KAZN: variants seen among roughly 807,000 people sequenced by gnomAD.
The protein encoded by KAZN is kazrin.
A neutral mutation model predicts 87.4 loss-of-function variants in KAZN; 40 were observed. The observed-to-expected ratio is 0.46, with a 90% CI of 0.36 to 0.60. The LOEUF (loss-of-function observed/expected upper bound fraction) is 0.60, where lower values mean the gene tolerates loss of function less well. KAZN is among the 20% of genes least tolerant of loss of function. The pLI is 0.00. For synonymous variants in KAZN, 466 were observed against 458.3 expected (o/e 1.02, Z -0.22); for missense variants, 898 against 1,073.9 (o/e 0.84, Z 2.29).
At chr1:14,419,710 T>C (rs752753864) in intron 2 of KAZN, among the ~76,000 whole-genome samples, 8 of 152,060 alleles carry the variant, frequency 5.3e-5, no homozygotes, top group Non-Finnish European at 8.8e-5. Context: ...CATTCAAGAG[T>C]GAAGCCGCAG....
At chr1:14,155,474 AC>A (rs1159102444) in intron 1 of KAZN, among the ~76,000 whole-genome samples, 1 of 152,106 alleles carries the variant, frequency 6.6e-6, no homozygotes, top group Non-Finnish European at 1.5e-5. Flanking sequence ...TTTTCAAAAA[AC>A]AAACTTTTTG....
At chr1:14,753,644 T>C (rs1644473833) in intron 1 of KAZN, among the ~76,000 whole-genome samples, 2 of 152,148 alleles carry the variant, frequency 1.3e-5, no homozygotes, top group Admixed American at 1.3e-4. Flanking sequence ...TCATTACCAA[T>C]TGAACTGAAT....
At chr1:14,801,360 C>T (rs1646014191) in intron 1 of KAZN, among the ~76,000 whole-genome samples, 2 of 152,132 alleles carry the variant, frequency 1.3e-5, no homozygotes, top group African/African-American at 2.4e-5. Flanking sequence ...GGTTTCGTGA[C>T]GAGGGGTGGC....
chr1:14,430,660 CAG>C (rs1013104894), intron 2 of KAZN, among the ~76,000 whole-genome samples: 1 of 152,180 alleles, frequency 6.6e-6, no homozygotes, highest in Non-Finnish European at 1.5e-5. Context: ...ACAAGCCAGA[CAG>C]AGGATAATCA....
chr1:14,499,468 T>C (rs1670123033), intron 2 of KAZN, among the ~76,000 whole-genome samples: 1 of 152,164 alleles, frequency 6.6e-6, no homozygotes, highest in Non-Finnish European at 1.5e-5. Flanking sequence ...GTCCTGCCTT[T>C]CTTTCTGGGA....
intron 1 of KAZN, among the ~76,000 whole-genome samples, chr1:14,015,448 T>C (rs2101215415): frequency 7.6e-6 from 1 of 131,350 alleles, no homozygotes; most frequent in South Asian, 2.5e-4. Flanking sequence ...AAGACAAGTG[T>C]GTTACATCTA....
In KAZN at chr1:15,099,302, G is replaced by A. The variant is rs189551372; in HGVS notation, c.1548-2241G>A. 9.2e-5 allele frequency among the ~76,000 whole-genome samples: 14 copies of A among 152,310 alleles called. No homozygotes were observed. Among genetic ancestry groups the A allele is most frequent in the East Asian group, 3.9e-4 (2 of 5,186 alleles). On this transcript the variant is annotated intron_variant, in intron 10 of 14. Transcript: ENST00000376030. This position sits in a 1 kb window ranked among gnomAD's most constrained non-coding sequence, Gnocchi z 5.4. ...TAGACTGTGCTGTTTGGCAGTGAAC[G>A]CAGTTTCTGTCCTGAATGAGCTTAT...
chr1:14,257,279 T>A (rs1475336612), intron 2 of KAZN, among the ~76,000 whole-genome samples: 2 of 150,794 alleles, frequency 1.3e-5, no homozygotes, highest in Non-Finnish European at 2.9e-5. Context: ...TTTTGAGAAG[T>A]GTCTGTTCAT....
chr1:14,332,507 A>G (rs1388332530), intron 2 of KAZN, among the ~76,000 whole-genome samples: 1 of 152,164 alleles, frequency 6.6e-6, no homozygotes, highest in East Asian at 1.9e-4. Flanking sequence ...TGTGCTCCAC[A>G]TGGTTCTTTT....
chr1:13,987,931 C>A (rs998469512), intron 1 of KAZN, among the ~76,000 whole-genome samples: 1 of 152,110 alleles, frequency 6.6e-6, no homozygotes, highest in African/African-American at 2.4e-5. Flanking sequence ...CTGTTGAGAA[C>A]CTTTGTGCTG....
At chr1:14,258,115 G>T (rs954638855) in intron 2 of KAZN, among the ~76,000 whole-genome samples, 1 of 151,338 alleles carries the variant, frequency 6.6e-6, no homozygotes, top group South Asian at 2.1e-4. Flanking sequence ...CCTTCATCAC[G>T]GTAGATCACA....
rs181717902 is a variant in KAZN, at chr1:14,637,551, G to C, written c.226+38328G>C. ...CCTCCTCAGATAATCTCTTCTCAAG[G>C]CTGGCCCTCTGTAGAGTCGTCTGGT... On this transcript the variant is annotated intron_variant, in intron 1 of 14. Coordinates refer to ENST00000376030, the MANE Select transcript of KAZN (RefSeq NM_201628.3). Among the ~76,000 whole-genome samples the C allele has an allele frequency of 1.1e-3, 175 of 152,188 alleles. 2 individuals carry two copies. The highest frequency in any genetic ancestry group is 4.1e-3 in the African/African-American group (170 of 41,506).
At chr1:14,740,240 A>G (rs1465104954) in intron 1 of KAZN, among the ~76,000 whole-genome samples, 1 of 152,188 alleles carries the variant, frequency 6.6e-6, no homozygotes, top group African/African-American at 2.4e-5. Flanking sequence ...TAAGAGCTCC[A>G]GAGACACCGT....
At chr1:15,083,550 G>A (rs1640109971) in intron 8 of KAZN, among the ~76,000 whole-genome samples, 1 of 152,166 alleles carries the variant, frequency 6.6e-6, no homozygotes, top group Non-Finnish European at 1.5e-5. Context: ...CGGTTTGGTA[G>A]AGCAGTCCAA....
intron 2 of KAZN, among the ~76,000 whole-genome samples, chr1:14,238,545 C>G (rs1462215636): frequency 6.6e-6 from 1 of 152,214 alleles, no homozygotes; most frequent in East Asian, 1.9e-4. Context: ...TGTTAACAAA[C>G]AAACAAGCAA....
intron 2 of KAZN, among the ~76,000 whole-genome samples, chr1:14,219,759 C>T (rs1264584097): frequency 1.3e-5 from 2 of 152,166 alleles, no homozygotes; most frequent in African/African-American, 4.8e-5. Context: ...AGGGCAATAA[C>T]ATTTCAGTTG....
At position 14,309,194 on chromosome 1, in the gene KAZN, T is replaced by A. The variant is rs79538319; in HGVS notation, c.249+128602T>A. The stretch of plus-strand genomic sequence containing the variant: ...AAGAAGAAATGGGATATCCCAAAAT[T>A]GCAACAGGATAAGCAACCCTTTTAA... On this transcript the variant is annotated intron_variant, in intron 2 of 16. Coordinates refer to the KAZN transcript ENST00000636203. Among the ~76,000 whole-genome samples, 946 of 152,250 alleles carry A rather than the reference T, an allele frequency of 6.2e-3. 12 individuals are homozygous for A. Among genetic ancestry groups the A allele is most frequent in the African/African-American group, 0.022 (910 of 41,554 alleles).
intron 1 of KAZN, among the ~76,000 whole-genome samples, chr1:14,129,495 T>C (rs1570809541): frequency 6.6e-6 from 1 of 152,208 alleles, no homozygotes; most frequent in African/African-American, 2.4e-5. Flanking sequence ...ATTCCTCCCC[T>C]GAATCCTCCA....
chr1:14,341,984 C>T (rs534003353), intron 2 of KAZN, among the ~76,000 whole-genome samples: 7 of 152,164 alleles, frequency 4.6e-5, no homozygotes, highest in Admixed American at 3.9e-4. Context: ...CTCCTCCCAC[C>T]CACTACCCTT....
Sources: gnomAD v4.1 joint callset for allele counts (sites outside exome capture counted in the v4.1 genomes callset) on GRCh38, gnomAD v4.1.1 for gene constraint, Gnocchi (gnomAD v3.1) non-coding constraint, MANE v1.5 for transcripts, NCBI Gene and HGNC (gene_info 2026-07-23, HGNC 2026-07-21) for gene names.